HERC6: variants seen among roughly 807,000 people sequenced by gnomAD.
HERC6 encodes the protein HECT and RLD domain containing E3 ubiquitin protein ligase family member 6, also known as probable E3 ubiquitin-protein ligase HERC6.
A neutral mutation model predicts 114.5 loss-of-function variants in HERC6; 101 were observed. The observed-to-expected ratio is 0.88, with a 90% CI of 0.75 to 1.04. HERC6 has a LOEUF of 1.04. HERC6 is among the 50% of genes least tolerant of loss of function. HERC6 has a pLI of 0.00. For missense variants in HERC6, 1,133 were observed against 1,230.9 expected, an observed-to-expected ratio of 0.92 and a Z score of 1.19; for synonymous variants, 408 against 436.2, an observed-to-expected ratio of 0.94 and a Z score of 0.81.
chr4:88,398,553 G>C (rs575973926), intron 8 of HERC6: 46 of 171,920 alleles, frequency 2.7e-4, no homozygotes, highest in Non-Finnish European at 4.9e-4. Flanking sequence ...CCCTGTCCAG[G>C]ACTGTGAAGG....
At position 88,380,490 on chromosome 4, in the gene HERC6, G is replaced by A. The variant is rs917453828; in HGVS notation, c.199+1370G>A. Among the ~76,000 whole-genome samples, 30 of 134,796 alleles carry A rather than the reference G, an allele frequency of 2.2e-4. No individual in the cohort carries two copies. In the Admixed American group the frequency reaches 2.7e-3, roughly 12 times the overall value. The allele number at this position is 134,796 out of a possible 152,430, so 88.4% of individuals were successfully genotyped here. On this transcript the variant is annotated intron_variant, in intron 1 of 22. Coordinates refer to ENST00000264346, the MANE Select transcript of HERC6 (RefSeq NM_017912.4). ...TCCCAGCACTTTGGGAGGCCGAGGC[G>A]GGCGGAGCACGAGGTCAGGAAATCG...
chr4:88,401,506 A>T (rs1735541684), intron 8 of HERC6, among the ~76,000 whole-genome samples: 2 of 151,832 alleles, frequency 1.3e-5, no homozygotes, highest in South Asian at 4.1e-4. Context: ...AAAAAAAAAA[A>T]AGAAAAGAAA....
intron 17 of HERC6, among the ~76,000 whole-genome samples, chr4:88,431,726 G>A (rs567571083): frequency 6.1e-4 from 93 of 152,218 alleles, no homozygotes; most frequent in African/African-American, 2.0e-3. Flanking sequence ...GACTACAGGC[G>A]TATGTCACAC....
intron 1 of HERC6, among the ~76,000 whole-genome samples, chr4:88,380,329 A>C (rs1240125409): frequency 4.5e-5 from 2 of 44,824 alleles, no homozygotes; most frequent in Non-Finnish European, 6.8e-5. Context: ...TATATATATA[A>C]TATATAAATA....
At chr4:88,438,493 C>T (rs2149032482) in intron 20 of HERC6, among the ~76,000 whole-genome samples, 1 of 152,242 alleles carries the variant, frequency 6.6e-6, no homozygotes, top group South Asian at 2.1e-4. Context: ...GTCCTCACAC[C>T]TCAGCCTCCC....
chr4:88,393,430 T>C, intron 4 of HERC6, 58 bp from the exon 5 acceptor site: 1 of 880,396 alleles, frequency 1.1e-6, no homozygotes, highest in South Asian at 2.0e-5. Flanking sequence ...AAAATGTAAA[T>C]AGTCATGAAA....
intron 11 of HERC6, among the ~76,000 whole-genome samples, chr4:88,409,456 A>G (rs1735976750): frequency 6.6e-6 from 1 of 152,192 alleles, no homozygotes; most frequent in Non-Finnish European, 1.5e-5. Context: ...TGAAATTACT[A>G]TATTCCAGGT....
chr4:88,387,999 C>T (rs1419230059), intron 3 of HERC6, among the ~76,000 whole-genome samples: 1 of 151,924 alleles, frequency 6.6e-6, no homozygotes, highest in East Asian at 1.9e-4. Flanking sequence ...TGCATTTTGC[C>T]CTCAAAATTA....
intron 1 of HERC6, among the ~76,000 whole-genome samples, chr4:88,379,668 T>A (rs1230883748): frequency 1.0e-5 from 1 of 97,378 alleles, no homozygotes; most frequent in African/African-American, 4.7e-5. Context: ...TAAATATATA[T>A]AATATATAAA....
chr4:88,428,443 T>C lies in HERC6; in HGVS notation c.1936-137T>C, dbSNP rs180713979. 4 of 610,582 alleles carry C rather than the reference T, an allele frequency of 6.6e-6. No homozygotes were observed. The Admixed American group carries it at 1.2e-4, about 18-fold the overall frequency. 37.8% of individuals were successfully genotyped at this position (610,582 alleles called of 1,614,324 possible). Reference sequence around the variant, plus strand: ...CAGATATGTTGTCTGTTTTCTTAAATAATTACAATGTGAATGTTTATAGCA... The same window carrying C: ...CAGATATGTTGTCTGTTTTCTTAAACAATTACAATGTGAATGTTTATAGCA... On this transcript the variant is annotated intron_variant, in intron 15 of 22. Coordinates refer to ENST00000264346, the MANE Select transcript of HERC6 (RefSeq NM_017912.4).
rs549577269 is a variant in HERC6 at position 88,385,233 on chromosome 4, G to A, written c.360-266G>A. 5.7e-4 allele frequency among the ~76,000 whole-genome samples: 86 copies of A among 152,194 alleles called. 1 individual carries two copies. In the South Asian group the frequency reaches 0.016, roughly 29 times the overall value. ...GGCTATTAAGTGTAGAATAAAATTA[G>A]TATATTAGATATTGCATTAAAGTCC... On this transcript the variant is annotated intron_variant, in intron 2 of 22. Transcript: ENST00000264346.
chr4:88,404,223 G>A (rs1408965672), intron 8 of HERC6, among the ~76,000 whole-genome samples: 2 of 143,702 alleles, frequency 1.4e-5, no homozygotes, highest in African/African-American at 2.6e-5. Context: ...ATGGAGTTTC[G>A]CTCTTGTTGC....
In HERC6 at chr4:88,413,227, G is replaced by C. The variant is rs1164766046; in HGVS notation, c.1519G>C (p.Ala507Pro). 6.2e-7 allele frequency: 1 copy of C among 1,613,134 alleles called. No homozygotes were observed. The highest frequency in any genetic ancestry group is 8.5e-7 in the Non-Finnish European group (1 of 1,179,572). Residue 507 changes from alanine (A) to proline (P), a missense_variant, in exon 12 of 23, where the codon GCT (alanine) becomes CCT (proline). Physicochemically the swap from Ala to Pro is conservative, Grantham distance 27. Coordinates refer to ENST00000264346, the MANE Select transcript of HERC6 (RefSeq NM_017912.4). ...WKNLVVPFAKAVCEMSKQSLQ... is the reference protein window; with the variant it reads ...WKNLVVPFAKPVCEMSKQSLQ... The stretch of plus-strand genomic sequence containing the variant: ...GAACCTGGTGGTTCCATTTGCAAAG[G>C]CTGTGTGTGAAATGAGTAAACAATC...
At position 88,413,585 on chromosome 4, in the gene HERC6, A is replaced by C. The variant is rs183664945; in HGVS notation, c.1558+319A>C. Among the ~76,000 whole-genome samples the C allele has an allele frequency of 1.4e-4, 22 of 152,338 alleles. No individual in the cohort carries two copies. The East Asian group carries it at 4.2e-3, about 29-fold the overall frequency. ...TTCAATCAAGATCAATCCATACTTTAAAATTTTTTGCTCATGTTATTTTGA... is the reference window on the plus strand; with the variant it reads ...TTCAATCAAGATCAATCCATACTTTCAAATTTTTTGCTCATGTTATTTTGA... On this transcript the variant is annotated intron_variant, in intron 12 of 22. Transcript: ENST00000264346.
chr4:88,408,461 C>T (rs1735914978), intron 10 of HERC6, 63 bp from the exon 11 acceptor site: 1 of 1,034,902 alleles, frequency 9.7e-7, no homozygotes, highest in South Asian at 1.4e-5. Flanking sequence ...AAATGACATA[C>T]AAACTTTAGA....
At chr4:88,408,434 A>G (rs1487132010) in intron 10 of HERC6, 90 bp from the exon 11 acceptor site, 4 of 782,598 alleles carry the variant, frequency 5.1e-6, no homozygotes, top group African/African-American at 1.8e-5. Flanking sequence ...TTTGTATCTT[A>G]TATGTAATAA....
intron 8 of HERC6, among the ~76,000 whole-genome samples, chr4:88,401,520 G>C (rs1212687780): frequency 6.6e-6 from 1 of 151,178 alleles, no homozygotes; most frequent in African/African-American, 2.4e-5. Flanking sequence ...AAAGAAAAAA[G>C]AGAAACAGTG....
chr4:88,439,284 G>T (rs1029080616), intron 20 of HERC6, among the ~76,000 whole-genome samples: 8 of 151,922 alleles, frequency 5.3e-5, no homozygotes, highest in Non-Finnish European at 1.0e-4. Context: ...TGTGGCGGGA[G>T]GTTCGCTTGA....
rs190922867 is a variant in HERC6 at position 88,418,707 on chromosome 4, C to T, written c.1713+1128C>T. ...ACTTGGTGAGAGACCCATCACACTACACATGTGTGATTTTTTTGTTTGTTT... is the reference window on the plus strand; with the variant it reads ...ACTTGGTGAGAGACCCATCACACTATACATGTGTGATTTTTTTGTTTGTTT... On this transcript the variant is annotated intron_variant, in intron 13 of 22. Coordinates refer to ENST00000264346, the MANE Select transcript of HERC6 (RefSeq NM_017912.4). Among the ~76,000 whole-genome samples the T allele has an allele frequency of 8.1e-4, 124 of 152,194 alleles. 1 individual carries two copies. The highest frequency in any genetic ancestry group is 1.2e-3 in the Non-Finnish European group (84 of 68,012).
Sources: allele counts gnomAD v4.1 joint callset (sites outside exome capture counted in the v4.1 genomes callset), GRCh38; gene constraint gnomAD v4.1.1; transcripts MANE v1.5; gene names NCBI Gene and HGNC (gene_info 2026-07-23, HGNC 2026-07-21).